Variants in FTCDNL1 observed in about 807,000 individuals in gnomAD.
FTCDNL1 encodes the protein formiminotransferase cyclodeaminase N-terminal like, also known as formiminotransferase N-terminal subdomain-containing protein.
A neutral mutation model predicts 5.9 loss-of-function variants in FTCDNL1; 11 were observed. The observed-to-expected ratio is 1.87, with a 90% CI of 1.18 to 3.10. The LOEUF is 3.10. FTCDNL1 is among the 30% of genes most tolerant of loss of function. FTCDNL1 has a pLI of 0.00. For missense variants in FTCDNL1, 115 were observed against 65.5 expected (o/e 1.76, Z -2.61); for synonymous variants, 58 against 24.8 (o/e 2.34, Z -3.99).
At chr2:199,755,392 G>A in the FTCDNL1 span, among the ~76,000 whole-genome samples, 3 of 152,200 alleles carry the variant, frequency 2.0e-5, no homozygotes, top group Non-Finnish European at 4.4e-5. Context: ...GCATTCTTGT[G>A]GAGAAGACAT....
chr2:199,699,152 C>A, the FTCDNL1 span, among the ~76,000 whole-genome samples: 1 of 151,984 alleles, frequency 6.6e-6, no homozygotes, highest in African/African-American at 2.4e-5. Flanking sequence ...AGCCCAGGAC[C>A]CAATGGATTC....
intron 4 of FTCDNL1, among the ~76,000 whole-genome samples, chr2:199,815,047 G>C (rs965113420): frequency 6.6e-6 from 1 of 152,140 alleles, no homozygotes; most frequent in Non-Finnish European, 1.5e-5. Flanking sequence ...AAACAATGAT[G>C]CATACATGCA....
At chr2:199,712,594 G>C in the FTCDNL1 span, among the ~76,000 whole-genome samples, 1 of 152,184 alleles carries the variant, frequency 6.6e-6, no homozygotes, top group Admixed American at 6.5e-5. Context: ...GGTGGCTTCA[G>C]TCAACACAAA....
the FTCDNL1 span, among the ~76,000 whole-genome samples, chr2:199,686,335 G>T: frequency 1.3e-5 from 2 of 152,100 alleles, no homozygotes; most frequent in African/African-American, 4.8e-5. Flanking sequence ...AACTCTTGGG[G>T]GTGGGAAGGA....
At chr2:199,775,920 T>C (rs1699039175) in intron 3 of FTCDNL1, among the ~76,000 whole-genome samples, 1 of 150,682 alleles carries the variant, frequency 6.6e-6, no homozygotes, top group Non-Finnish European at 1.5e-5. Flanking sequence ...TCCTTTTTTT[T>C]TTTTTTTTTT....
chr2:199,818,804 T>C (rs1027596260), intron 4 of FTCDNL1: 2 of 152,140 alleles, frequency 1.3e-5, no homozygotes, highest in Non-Finnish European at 2.9e-5. Context: ...GCTTAAGTTA[T>C]TGACTGACCA....
At chr2:199,792,073 T>C (rs1019261478) in intron 3 of FTCDNL1, among the ~76,000 whole-genome samples, 1 of 152,154 alleles carries the variant, frequency 6.6e-6, no homozygotes, top group Non-Finnish European at 1.5e-5. Flanking sequence ...CCTTATCCAT[T>C]CAATTTTATG....
At chr2:199,779,719 G>C (rs116279293) in intron 3 of FTCDNL1, among the ~76,000 whole-genome samples, 166 of 152,324 alleles carry the variant, frequency 1.1e-3, no homozygotes, top group African/African-American at 3.6e-3. Flanking sequence ...TGTGGTTTGT[G>C]TACCCCAGGT....
chr2:199,783,744 C>G (rs551850596), intron 3 of FTCDNL1, among the ~76,000 whole-genome samples: 1 of 152,192 alleles, frequency 6.6e-6, no homozygotes, highest in South Asian at 2.1e-4. Flanking sequence ...CCTCAGCAAG[C>G]CCAGCACTTC....
At chr2:199,749,620 G>A in the FTCDNL1 span, among the ~76,000 whole-genome samples, 1 of 152,076 alleles carries the variant, frequency 6.6e-6, no homozygotes, top group Non-Finnish European at 1.5e-5. Flanking sequence ...TGTGTACCAG[G>A]CACTATCTTA....
the FTCDNL1 span, among the ~76,000 whole-genome samples, chr2:199,742,775 A>T: frequency 6.6e-6 from 1 of 152,226 alleles, no homozygotes; most frequent in African/African-American, 2.4e-5. Flanking sequence ...CTCGGTTTCT[A>T]GTCAAACAAG....
the FTCDNL1 span, among the ~76,000 whole-genome samples, chr2:199,677,698 A>T: frequency 1.3e-5 from 2 of 152,226 alleles, no homozygotes; most frequent in Non-Finnish European, 2.9e-5. Context: ...TAAAGCAAGG[A>T]AGGTCATATA....
chr2:199,750,140 GC>G, the FTCDNL1 span, among the ~76,000 whole-genome samples: 1 of 151,620 alleles, frequency 6.6e-6, no homozygotes, highest in Non-Finnish European at 1.5e-5. Flanking sequence ...GAACTCTTGA[GC>G]CCAGGAGTTC....
chr2:199,842,722 A>G (rs2076623528), intron 3 of FTCDNL1, among the ~76,000 whole-genome samples: 1 of 152,194 alleles, frequency 6.6e-6, no homozygotes, highest in Admixed American at 6.5e-5. Flanking sequence ...CATACAAAGT[A>G]TACATAAATT....
chr2:199,741,615 C>T, the FTCDNL1 span, among the ~76,000 whole-genome samples: 1 of 152,172 alleles, frequency 6.6e-6, no homozygotes, highest in Non-Finnish European at 1.5e-5. Flanking sequence ...CTCCACTTTG[C>T]TTCCAGAATT....
At position 199,810,361 on chromosome 2, in the gene FTCDNL1, G is replaced by C. The variant is rs1228194393; in HGVS notation, c.*2344C>G. Among the ~76,000 whole-genome samples the C allele has an allele frequency of 1.3e-5, 2 of 152,154 alleles. No individual in the cohort carries two copies. Among genetic ancestry groups the C allele is most frequent in the Non-Finnish European group, 2.9e-5 (2 of 68,032 alleles). ...AAAACTAACAAACAGCCTTGGAACT[G>C]GGAAAAGCAAAGGGACTCACGTGTT... On this transcript the variant is annotated 3_prime_UTR_variant, in exon 5 of 5. Transcript: ENST00000420128.
At chr2:199,827,725 A>G (rs1344742777) in intron 3 of FTCDNL1, among the ~76,000 whole-genome samples, 1 of 152,194 alleles carries the variant, frequency 6.6e-6, no homozygotes, top group Non-Finnish European at 1.5e-5. Context: ...TGCATAAATT[A>G]AGAAAACCAT....
intron 3 of FTCDNL1, among the ~76,000 whole-genome samples, chr2:199,762,899 T>C (rs1417439701): frequency 1.3e-5 from 2 of 152,176 alleles, no homozygotes; most frequent in East Asian, 3.8e-4. Flanking sequence ...TCCTGTAAAA[T>C]GCAAGGTTCA....
intron 3 of FTCDNL1, among the ~76,000 whole-genome samples, chr2:199,768,378 G>C (rs1206819373): frequency 6.6e-6 from 1 of 152,100 alleles, no homozygotes; most frequent in East Asian, 1.9e-4. Context: ...GAGTAAAGAA[G>C]TCTTCTACAT....
Sources: gnomAD v4.1 joint callset for allele counts (sites outside exome capture counted in the v4.1 genomes callset) on GRCh38, gnomAD v4.1.1 for gene constraint, MANE v1.5 for transcripts, NCBI Gene and HGNC (gene_info 2026-07-23, HGNC 2026-07-21) for gene names.